Variants in ANKS3 observed in about 807,000 individuals in gnomAD.
ANKS3 encodes ankyrin repeat and sterile alpha motif domain containing 3.
ANKS3 carries 62 observed loss-of-function variants against 80.7 expected under a neutral mutation model. The observed-to-expected ratio is 0.77, with a 90% confidence interval of 0.63 to 0.95. The LOEUF is 0.95. Ranked by LOEUF, ANKS3 falls within the 40% of genes least tolerant of loss-of-function variation. ANKS3 has a pLI of 0.00. For missense variants in ANKS3, 1,150 were observed against 883.6 expected (o/e 1.30, Z -3.82); for synonymous variants, 489 against 355.3 (o/e 1.38, Z -4.23).
chr16:4,700,531 G>A (rs1198578967), intron 11 of ANKS3: 1 of 331,290 alleles, frequency 3.0e-6, no homozygotes, highest in African/African-American at 2.2e-5. Flanking sequence ...GCTGAGCTGT[G>A]AGTCACACCT....
Position 4,734,073 on chromosome 16 carries a change from T to A in ANKS3, c.-206A>T. 1 of 971,320 alleles carries A rather than the reference T, an allele frequency of 1.0e-6. No homozygotes were observed. Among genetic ancestry groups the A allele is most frequent in the African/African-American group, 1.8e-5 (1 of 57,076 alleles). 60.2% of individuals were successfully genotyped at this position (971,320 alleles called of 1,614,324 possible). ...GTCCTCCAGTCACGCGGCGAGCAAG[T>A]GCAGCGCGGGACGCCCGAGCGCCGG... On this transcript the variant is annotated 5_prime_UTR_variant, in exon 1 of 18. Transcript: ENST00000304283.
rs184477066 is a variant in ANKS3 at position 4,701,227 on chromosome 16, T to C, written c.1120-93A>G. 1,148 of 1,569,832 alleles carry C rather than the reference T, an allele frequency of 7.3e-4. 15 individuals carry two copies. The Admixed American group carries it at 0.014, about 20-fold the overall frequency. On this transcript the variant is annotated intron_variant, in intron 10 of 17. Coordinates refer to ENST00000304283, the MANE Select transcript of ANKS3 (RefSeq NM_133450.4). ...CCGCCACACAGGGGCTTGAGAGGCT[T>C]CGTGAAACCCCCCACCCGCCACACA...
At chr16:4,699,211 T>C (rs776917162) in intron 11 of ANKS3, 35 bp from the exon 12 acceptor site, 1 of 1,610,804 alleles carries the variant, frequency 6.2e-7, no homozygotes, top group Admixed American at 1.7e-5. Flanking sequence ...GGGGAGGTAG[T>C]GGCTGACGAC....
rs183337297 is a variant in ANKS3 at position 4,723,813 on chromosome 16, T to A, written c.573+937A>T. ...GGCTTGCACCTGTGATCCCAGCACTTTGGGAGGCTGAGGTGATCGCTTGAG... is the reference window on the plus strand; with the variant it reads ...GGCTTGCACCTGTGATCCCAGCACTATGGGAGGCTGAGGTGATCGCTTGAG... On this transcript the variant is annotated intron_variant, in intron 6 of 17. Coordinates refer to ENST00000304283, the MANE Select transcript of ANKS3 (RefSeq NM_133450.4). Among the ~76,000 whole-genome samples the A allele has an allele frequency of 3.3e-5, 5 of 152,248 alleles. No individual in the cohort carries two copies. In the East Asian group the frequency reaches 7.7e-4, roughly 23 times the overall value.
rs566391799 is a variant in ANKS3 at position 4,698,503 on chromosome 16, G to A, written c.1648C>T (p.Arg550Cys). Residue 550 changes from arginine to cysteine, a missense_variant, in exon 14 of 18, where the codon CGC becomes TGC. Coordinates refer to ENST00000304283, the MANE Select transcript of ANKS3 (RefSeq NM_133450.4). ...ESCLLEQDRA[R>C]EDLQARLRET... Reference sequence around the variant, plus strand: ...CGCAGCCGGGCCTGGAGGTCCTCGCGGGCGCGGTCCTGCTCCAGCAGGCAG... The same window carrying A: ...CGCAGCCGGGCCTGGAGGTCCTCGCAGGCGCGGTCCTGCTCCAGCAGGCAG... The A allele has an allele frequency of 1.1e-4, 176 of 1,558,982 alleles. No homozygotes were observed. Among genetic ancestry groups the A allele is most frequent in the Admixed American group, 6.1e-4 (33 of 54,330 alleles).
At chr16:4,714,580 G>T (rs1438631683) in intron 6 of ANKS3, among the ~76,000 whole-genome samples, 1 of 152,242 alleles carries the variant, frequency 6.6e-6, no homozygotes, top group East Asian at 1.9e-4. Context: ...CTCTGAAGCA[G>T]AATTCGTAAC....
intron 6 of ANKS3, among the ~76,000 whole-genome samples, chr16:4,716,660 G>A (rs1309131644): frequency 2.6e-5 from 4 of 152,192 alleles, no homozygotes; most frequent in African/African-American, 9.6e-5. Flanking sequence ...GCTCACGCCT[G>A]TAATCCCAGC....
rs149464788 is a variant in ANKS3, at chr16:4,700,812, G to A, written c.1284+158C>T. ...CTGCAGCGGGGCTGCCAGCCATGGA[G>A]CCGGCTGTGAGCCTGTGGAGCCTAA... On this transcript the variant is annotated intron_variant, in intron 11 of 17. Transcript: ENST00000304283. 4.7e-5 allele frequency: 46 copies of A among 978,060 alleles called. No individual in the cohort carries two copies. The East Asian group carries it at 1.1e-3, about 23-fold the overall frequency. 60.6% of individuals were successfully genotyped at this position (978,060 alleles called of 1,614,324 possible). A position where few individuals can be genotyped will look rare whatever the true frequency, so the allele number is the denominator to read the frequency against.
In ANKS3 at chr16:4,697,397, CG is replaced by C; in HGVS notation, c.1829del (p.Ala610GlyfsTer6). On this transcript the variant is annotated frameshift_variant, in exon 16 of 18. Transcript: ENST00000304283. LOFTEE classifies it high-confidence loss of function. ...CGGGGAGGCTCATGGCCTGCAGGGA[CG>C]CTTGCCAGCCCTTGGAGTCTGTGGT... ...VPPADSKGWQ[A>X]SLQAMSLPEL... 2 of 1,608,522 alleles carry C rather than the reference CG, an allele frequency of 1.2e-6. No homozygotes were observed. The highest frequency in any genetic ancestry group is 1.7e-6 in the Non-Finnish European group (2 of 1,177,924).
intron 6 of ANKS3, among the ~76,000 whole-genome samples, chr16:4,715,801 T>G (rs1214949199): frequency 2.6e-5 from 4 of 152,010 alleles, no homozygotes; most frequent in African/African-American, 9.7e-5. Context: ...TAAGCATGTT[T>G]GCTTTTTTTT....
intron 2 of ANKS3, 123 bp from the exon 3 acceptor site, chr16:4,730,274 C>T (rs2081551949): frequency 2.2e-6 from 2 of 910,874 alleles, no homozygotes; most frequent in East Asian, 3.2e-5. Flanking sequence ...CAGTCAACCC[C>T]GGGAGTAACT....
chr16:4,708,248 T>C (rs2142063601), intron 7 of ANKS3, among the ~76,000 whole-genome samples: 1 of 152,142 alleles, frequency 6.6e-6, no homozygotes, highest in Non-Finnish European at 1.5e-5. Flanking sequence ...GAGAAATTAA[T>C]TGCAAGATCA....
intron 6 of ANKS3, chr16:4,717,578 T>C (rs997564594): frequency 2.0e-5 from 3 of 151,768 alleles, no homozygotes; most frequent in Non-Finnish European, 4.4e-5. Context: ...AAAATTCTAG[T>C]TTAAGTTTGA....
chr16:4,697,687 C>A (rs912200331), intron 15 of ANKS3, among the ~76,000 whole-genome samples: 4 of 152,220 alleles, frequency 2.6e-5, no homozygotes, highest in African/African-American at 9.6e-5. Flanking sequence ...TGGCTGGAGG[C>A]TACAGAAGTC....
In ANKS3 at chr16:4,698,575, G is replaced by T; in HGVS notation, c.1576C>A (p.Arg526=). Reference sequence around the variant, plus strand: ...TCCTGCTCCTGACACACCTGGCCCCGCGTGGCCTCTACCTCCTCGCAGCGC... The same window carrying T: ...TCCTGCTCCTGACACACCTGGCCCCTCGTGGCCTCTACCTCCTCGCAGCGC... ...HKRCEEVEAT[R]GQVCQEQELR... The change falls in exon 14 of 18, where the codon CGG becomes AGG. Residue 526 remains arginine, a synonymous_variant. Transcript: ENST00000304283. 1 of 1,576,956 alleles carries T rather than the reference G, an allele frequency of 6.3e-7. No homozygotes were observed. The highest frequency in any genetic ancestry group is 8.6e-7 in the Non-Finnish European group (1 of 1,168,992).
intron 6 of ANKS3, among the ~76,000 whole-genome samples, chr16:4,721,510 C>A (rs2081091910): frequency 6.6e-6 from 1 of 151,164 alleles, no homozygotes; most frequent in Non-Finnish European, 1.5e-5. Flanking sequence ...ACTTGGGAGG[C>A]TGAGGCAGGA....
intron 6 of ANKS3, among the ~76,000 whole-genome samples, chr16:4,716,761 C>T (rs1231356978): frequency 2.0e-5 from 3 of 151,320 alleles, no homozygotes; most frequent in Non-Finnish European, 4.4e-5. Context: ...CTAAAAAATA[C>T]AAAAATTAGC....
chr16:4,700,021 C>A (rs975157684), intron 11 of ANKS3: 1 of 152,482 alleles, frequency 6.6e-6, no homozygotes, highest in African/African-American at 2.4e-5. Context: ...GGGACCGAGA[C>A]GTGTGCCTGC....
chr16:4,717,164 T>G (rs2080846476), intron 6 of ANKS3, among the ~76,000 whole-genome samples: 1 of 151,352 alleles, frequency 6.6e-6, no homozygotes, highest in South Asian at 2.1e-4. Context: ...ATTGCCTGAG[T>G]CCAGGAGGTG....
Sources: allele counts gnomAD v4.1 joint callset (sites outside exome capture counted in the v4.1 genomes callset), GRCh38; gene constraint gnomAD v4.1.1; transcripts MANE v1.5; gene names NCBI Gene and HGNC (gene_info 2026-07-23, HGNC 2026-07-21).